LTN1: variants seen among roughly 807,000 people sequenced by gnomAD.
LTN1 encodes listerin E3 ubiquitin protein ligase 1.
LTN1 carries 88 observed loss-of-function variants against 201.2 expected under a neutral mutation model. The ratio of observed to expected loss-of-function variants is 0.44; its 90% confidence interval spans 0.37 to 0.52. The LOEUF is 0.52. Ranked by LOEUF, LTN1 falls within the 20% of genes least tolerant of loss-of-function variation. The pLI, the probability that LTN1 is intolerant of heterozygous loss-of-function variation, is 0.00. For missense variants in LTN1, 1,752 were observed against 2,038.7 expected (o/e 0.86, Z 2.71); for synonymous variants, 645 against 713.5 (o/e 0.90, Z 1.53).
chr21:28,934,219 A>C (rs1401229340), intron 27 of LTN1, among the ~76,000 whole-genome samples: 1 of 152,210 alleles, frequency 6.6e-6, no homozygotes, highest in East Asian at 1.9e-4. Context: ...TGGTCCTACT[A>C]AACTGTTCAT....
chr21:28,967,216 T>A, intron 9 of LTN1, 37 bp from the exon 10 acceptor site: 1 of 1,468,576 alleles, frequency 6.8e-7, no homozygotes, highest in Non-Finnish European at 9.3e-7. Context: ...AATATATATT[T>A]GGTCTTCAAC....
Position 28,929,557 on chromosome 21 carries a change from C to G in LTN1, c.*891G>C, listed in dbSNP as rs568644737. On this transcript the variant is annotated 3_prime_UTR_variant, in exon 30 of 30. Coordinates refer to ENST00000361371, the MANE Select transcript of LTN1 (RefSeq NM_015565.3). ...TCAGTTTGCTTCCAAAATTGAAAGT[C>G]TCCTACAACATTTTTAAATGTTTTT... 4 of 152,002 alleles carry G rather than the reference C, an allele frequency of 2.6e-5. No homozygotes were observed. The South Asian group carries it at 8.3e-4, about 31-fold the overall frequency. 9.4% of individuals were successfully genotyped at this position (152,002 alleles called of 1,614,324 possible).
At chr21:28,955,361 A>G (rs1234803426) in intron 16 of LTN1, among the ~76,000 whole-genome samples, 2 of 152,146 alleles carry the variant, frequency 1.3e-5, no homozygotes, top group African/African-American at 4.8e-5. Context: ...AGGAACTTAT[A>G]TACTATTGGT....
intron 20 of LTN1, 36 bp from the exon 21 acceptor site, chr21:28,945,987 T>C (rs1407589452): frequency 6.4e-7 from 1 of 1,558,450 alleles, no homozygotes; most frequent in African/African-American, 1.4e-5. Flanking sequence ...CAATAAAAGA[T>C]TATATTGACA....
In LTN1 at chr21:28,986,057, C is replaced by CA; in HGVS notation, c.345+81dup. On this transcript the variant is annotated intron_variant, in intron 3 of 29. Coordinates refer to ENST00000361371, the MANE Select transcript of LTN1 (RefSeq NM_015565.3). The surrounding 1 kb of genome is among the most constrained non-coding windows in gnomAD (Gnocchi z 4.1). ...ACATTTAATAACCCTCACCAAAAAT[C>CA]AACATTATAAATTTGAGAGTCTCCA... The CA allele has an allele frequency of 2.7e-6, 2 of 734,166 alleles. No individual in the cohort carries two copies. Among genetic ancestry groups the CA allele is most frequent in the South Asian group, 3.1e-5 (2 of 64,844 alleles). 45.5% of individuals were successfully genotyped at this position (734,166 alleles called of 1,614,324 possible). A position where few individuals can be genotyped will look rare whatever the true frequency, so the allele number is the denominator to read the frequency against.
intron 1 of LTN1, among the ~76,000 whole-genome samples, chr21:28,987,469 TAGACTG>T (rs1418673703): frequency 3.9e-5 from 6 of 152,202 alleles, no homozygotes; most frequent in Non-Finnish European, 8.8e-5. Context: ...TAGCTGCCTC[TAGACTG>T]AGAGTTCCTT....
At chr21:28,932,977 T>G (rs1227761830) in intron 27 of LTN1, among the ~76,000 whole-genome samples, 2 of 152,236 alleles carry the variant, frequency 1.3e-5, no homozygotes, top group Non-Finnish European at 2.9e-5. Flanking sequence ...TGGGTTATTA[T>G]GCTTCTCTTC....
chr21:28,969,800 C>T (rs940211141), intron 8 of LTN1, among the ~76,000 whole-genome samples, 199 bp from the exon 9 acceptor site: 4 of 151,892 alleles, frequency 2.6e-5, no homozygotes, highest in Non-Finnish European at 5.9e-5. Flanking sequence ...AAAAGTTTTT[C>T]AAAAAATGTA....
chr21:28,969,089 C>T (rs879282690), intron 9 of LTN1, among the ~76,000 whole-genome samples: 15 of 151,352 alleles, frequency 9.9e-5, no homozygotes, highest in East Asian at 2.0e-4. Flanking sequence ...GGTGTGGTGG[C>T]GGGTGCCTGT....
At chr21:28,987,793 T>C (rs1396771313) in intron 1 of LTN1, among the ~76,000 whole-genome samples, 1 of 152,378 alleles carries the variant, frequency 6.6e-6, no homozygotes, top group Admixed American at 6.5e-5. Context: ...TAAAGTCATC[T>C]ATTTCTTATT....
Position 28,944,539 on chromosome 21 carries a change from C to T in LTN1, c.3826G>A (p.Val1276Ile), listed in dbSNP as rs2084322285. The T allele has an allele frequency of 6.2e-7, 1 of 1,613,858 alleles. No individual in the cohort carries two copies. The highest frequency in any genetic ancestry group is 8.5e-7 in the Non-Finnish European group (1 of 1,179,986). The part of the protein sequence containing the change: ...SIPLVQLFAC[V>I]SCDLACDLSA... ...AGGTCACAGGCCAAATCACAGCTGA[C>T]ACAGGCAAACAGTTGCACAAGTGGA... The change falls in exon 22 of 30, where the codon GTC (valine) becomes ATC (isoleucine). Residue 1276 changes from valine to isoleucine, a missense_variant. Physicochemically the swap from Val to Ile is conservative, Grantham distance 29. Around this residue, in one of 3 missense-constraint regions of LTN1, gnomAD observed 1,211 missense variants for 1,312.8 expected, o/e 0.92. Transcript: ENST00000361371.
At chr21:28,969,195 TG>T (rs1336133381) in intron 9 of LTN1, among the ~76,000 whole-genome samples, 1 of 151,320 alleles carries the variant, frequency 6.6e-6, no homozygotes, top group African/African-American at 2.4e-5. Context: ...TACTCCAGCC[TG>T]GGCAACAAAG....
intron 18 of LTN1, among the ~76,000 whole-genome samples, chr21:28,950,733 C>A (rs965277763): frequency 6.6e-6 from 1 of 152,116 alleles, no homozygotes. Context: ...AGGCTGGTCT[C>A]GAACTCCTGG....
intron 6 of LTN1, among the ~76,000 whole-genome samples, chr21:28,973,346 C>CAAAAAAAAA (rs771261669): frequency 3.2e-5 from 2 of 61,786 alleles, no homozygotes; most frequent in East Asian, 4.7e-4. Flanking sequence ...GAATCCGTCC[C>CAAAAAAAAA]AAAAAAAAAA....
chr21:28,984,509 T>C (rs1244132943), intron 4 of LTN1, among the ~76,000 whole-genome samples, 183 bp downstream of exon 4: 1 of 152,184 alleles, frequency 6.6e-6, no homozygotes, highest in Non-Finnish European at 1.5e-5. Flanking sequence ...ATCCAAAATG[T>C]TAATCTTGTT....
Position 28,934,411 on chromosome 21 carries a change from T to TG in LTN1, c.4875+697dup, listed in dbSNP as rs552177948. Among the ~76,000 whole-genome samples the TG allele has an allele frequency of 4.6e-5, 7 of 152,274 alleles. No individual in the cohort carries two copies. In the South Asian group the frequency reaches 1.2e-3, roughly 27 times the overall value. Reference sequence around the variant, plus strand: ...GAAGTGGGGCCTGGTGGGAAGTGATTGGATCATGGGGATGGATTTCCCACG... The same window carrying TG: ...GAAGTGGGGCCTGGTGGGAAGTGATTGGGATCATGGGGATGGATTTCCCACG... On this transcript the variant is annotated intron_variant, in intron 27 of 29. Transcript: ENST00000361371.
At chr21:28,932,287 A>C (rs534310151) in intron 28 of LTN1, among the ~76,000 whole-genome samples, 183 bp downstream of exon 28, 6 of 152,242 alleles carry the variant, frequency 3.9e-5, no homozygotes, top group Non-Finnish European at 5.9e-5. Flanking sequence ...TAAATTACAG[A>C]ACCTTAACAA....
Position 28,931,304 on chromosome 21 carries a change from C to G in LTN1, c.5089G>C (p.Gly1697Arg). 1 of 1,606,728 alleles carries G rather than the reference C, an allele frequency of 6.2e-7. No homozygotes were observed. Among genetic ancestry groups the G allele is most frequent in the South Asian group, 1.1e-5 (1 of 89,704 alleles). ...LTHQNGSIME[G>R]LALWKNNVDK... is the part of the protein sequence containing the mutation. ...ACGTTATTTTTCCATAAAGCTAAGC[C>G]TTCCATAATACTTCCATTCTGTTAA... The change falls in exon 29 of 30, where the codon GGC becomes CGC. Residue 1697 changes from glycine to arginine, a missense_variant. Around this residue, in one of 3 missense-constraint regions of LTN1, gnomAD observed 261 missense variants for 350.1 expected, o/e 0.75. Transcript: ENST00000361371.
intron 18 of LTN1, among the ~76,000 whole-genome samples, chr21:28,949,402 A>G (rs1372637931): frequency 2.0e-5 from 3 of 152,206 alleles, no homozygotes; most frequent in Non-Finnish European, 4.4e-5. Flanking sequence ...TTTAAAGTGT[A>G]GAGTTCTGCA....
Sources: allele counts gnomAD v4.1 joint callset (sites outside exome capture counted in the v4.1 genomes callset), GRCh38; gene constraint gnomAD v4.1.1; regional missense constraint gnomAD v4.1.1; non-coding constraint Gnocchi (gnomAD v3.1); transcripts MANE v1.5; gene names NCBI Gene and HGNC (gene_info 2026-07-23, HGNC 2026-07-21).